The following MBD5 variants were observed in gnomAD, a reference collection of about 807,000 sequenced individuals.
MBD5 encodes the protein methyl-CpG-binding domain protein 5.
A neutral mutation model predicts 117.3 loss-of-function variants in MBD5; 13 were observed. The observed-to-expected ratio is 0.11, with a 90% CI of 0.07 to 0.18. The LOEUF is 0.18. MBD5 is among the 10% of genes least tolerant of loss of function. The probability of loss-of-function intolerance (pLI) is 1.00; values close to 1 mark genes in which losing one functional copy is unlikely to be tolerated. For synonymous variants in MBD5, 727 were observed against 766.4 expected, an observed-to-expected ratio of 0.95 and a Z score of 0.85; for missense variants, 1,879 against 2,093.8, an observed-to-expected ratio of 0.90 and a Z score of 2.00.
intron 1 of MBD5, among the ~76,000 whole-genome samples, chr2:148,074,507 G>GTTTTTTTTTTTTGTTTTTTTTTTTTTTTT (rs11443189): frequency 8.8e-6 from 1 of 113,772 alleles, no homozygotes; most frequent in Non-Finnish European, 1.7e-5. Flanking sequence ...TTTTTTTTTT[G>GTTTTTTTTTTTTGTTTTTTTTTTTTTTTT]TTTTTTTTTT....
chr2:148,265,794 G>GT (rs1046384376), intron 3 of MBD5, among the ~76,000 whole-genome samples: 2 of 152,208 alleles, frequency 1.3e-5, no homozygotes, highest in African/African-American at 4.8e-5. Flanking sequence ...TGTTCAACGA[G>GT]TATTTTTGAG....
Position 148,468,629 on chromosome 2 carries a change from C to G in MBD5, c.686C>G (p.Ser229Cys). The change falls in exon 8 of 14, where the codon TCC becomes TGC. Residue 229 changes from serine (S) to cysteine (C), a missense_variant. Physicochemically the swap from Ser to Cys is moderately radical, Grantham distance 112. This residue lies in a region of MBD5 where 1,666 missense variants were observed against 1,792.2 expected (regional missense o/e 0.93). Transcript: ENST00000642680. The part of the protein sequence containing the change: ...GGLPSPASSG[S>C]QIYGDGSISP... The stretch of plus-strand genomic sequence containing the variant: ...CTGCCCAGCCCAGCGTCATCAGGTT[C>G]CCAGATATATGGAGATGGTTCAATC... The G allele has an allele frequency of 6.2e-7, 1 of 1,613,910 alleles. No individual in the cohort carries two copies. The highest frequency in any genetic ancestry group is 8.5e-7 in the Non-Finnish European group (1 of 1,179,892).
chr2:148,367,267 T>C (rs1169147735), intron 4 of MBD5, among the ~76,000 whole-genome samples: 2 of 152,256 alleles, frequency 1.3e-5, no homozygotes, highest in East Asian at 3.9e-4. Flanking sequence ...GAAAACCAGC[T>C]AGCCATATGC....
chr2:148,180,780 C>T (rs1392414808), intron 2 of MBD5, among the ~76,000 whole-genome samples: 1 of 151,162 alleles, frequency 6.6e-6, no homozygotes, highest in Non-Finnish European at 1.5e-5. Flanking sequence ...ATTACTGGTT[C>T]ATGCAAAGCA....
chr2:148,152,266 A>G (rs923243798), intron 1 of MBD5, among the ~76,000 whole-genome samples: 28 of 152,052 alleles, frequency 1.8e-4, no homozygotes, highest in Non-Finnish European at 2.9e-4. Flanking sequence ...GAGATTCTTA[A>G]TCCTGAGTTC....
chr2:148,262,848 T>C (rs1700764982), intron 3 of MBD5, among the ~76,000 whole-genome samples: 1 of 152,210 alleles, frequency 6.6e-6, no homozygotes, highest in Non-Finnish European at 1.5e-5. Context: ...TTGTTTTGAC[T>C]GTAGTAAAAG....
intron 1 of MBD5, among the ~76,000 whole-genome samples, chr2:148,153,110 C>T (rs1046373976): frequency 6.6e-6 from 1 of 151,792 alleles, no homozygotes; most frequent in African/African-American, 2.4e-5. Context: ...GCGCTTCCTT[C>T]AGGAGCTCTT....
chr2:148,107,796 TG>T (rs1366432631), intron 1 of MBD5, among the ~76,000 whole-genome samples: 1 of 152,160 alleles, frequency 6.6e-6, no homozygotes, highest in African/African-American at 2.4e-5. Context: ...CACATATTTT[TG>T]TTTGTATGTT....
At chr2:148,319,410 TTG>T (rs1702231585) in intron 3 of MBD5, among the ~76,000 whole-genome samples, 1 of 152,204 alleles carries the variant, frequency 6.6e-6, no homozygotes, top group African/African-American at 2.4e-5. Flanking sequence ...TTCCATTTGT[TTG>T]TGTCATCAAA....
chr2:148,507,921 T>G (rs74448669), intron 12 of MBD5, among the ~76,000 whole-genome samples: 2,550 of 152,234 alleles, frequency 0.017, 72 homozygotes, highest in African/African-American at 0.057. Flanking sequence ...ATAGTCAATT[T>G]TAAACTCCTA....
chr2:148,429,289 A>G (rs1462663066), intron 4 of MBD5, among the ~76,000 whole-genome samples: 1 of 152,210 alleles, frequency 6.6e-6, no homozygotes, highest in Non-Finnish European at 1.5e-5. Context: ...GATCAAAACC[A>G]CAATGAGATA....
At position 148,259,077 on chromosome 2, in the gene MBD5, C is replaced by T. The variant is rs1156300221; in HGVS notation, c.-680+25682C>T. Among the ~76,000 whole-genome samples the T allele has an allele frequency of 2.6e-5, 4 of 152,186 alleles. 1 individual carries two copies. Among genetic ancestry groups the T allele is most frequent in the Admixed American group, 2.6e-4 (4 of 15,282 alleles). On this transcript the variant is annotated intron_variant, in intron 3 of 13. Coordinates refer to ENST00000642680, the MANE Select transcript of MBD5 (RefSeq NM_001378120.1). Reference sequence around the variant, plus strand: ...TATTCAGGTCAAACATAGCCTGCTGCATACCCATCTCCCGGATGACTTGCC... The same window carrying T: ...TATTCAGGTCAAACATAGCCTGCTGTATACCCATCTCCCGGATGACTTGCC...
chr2:148,426,848 A>G (rs775159373), intron 4 of MBD5, among the ~76,000 whole-genome samples: 15 of 152,220 alleles, frequency 9.9e-5, no homozygotes, highest in South Asian at 2.1e-4. Context: ...AGAAACCACC[A>G]TCAGAGTGAA....
At chr2:148,252,426 A>G (rs1375208577) in intron 3 of MBD5, among the ~76,000 whole-genome samples, 1 of 152,148 alleles carries the variant, frequency 6.6e-6, no homozygotes, top group Non-Finnish European at 1.5e-5. Flanking sequence ...ATGCCACTGC[A>G]CTCCAGCCTG....
At chr2:148,429,105 G>A (rs1705901768) in intron 4 of MBD5, among the ~76,000 whole-genome samples, 1 of 151,982 alleles carries the variant, frequency 6.6e-6, no homozygotes, top group Non-Finnish European at 1.5e-5. Context: ...ATCTCACAAA[G>A]GGCTAATATC....
chr2:148,442,443 C>T (rs1186717477), intron 4 of MBD5, among the ~76,000 whole-genome samples: 1 of 151,042 alleles, frequency 6.6e-6, no homozygotes, highest in Non-Finnish European at 1.5e-5. Context: ...CCCATGTGCT[C>T]ACAGAGCTTA....
chr2:148,128,855 A>G (rs1696964569), intron 1 of MBD5, among the ~76,000 whole-genome samples: 1 of 152,200 alleles, frequency 6.6e-6, no homozygotes, highest in South Asian at 2.1e-4. Context: ...ACTGGATTTC[A>G]TGTGCATAAA....
intron 4 of MBD5, among the ~76,000 whole-genome samples, chr2:148,378,532 T>G (rs1482171404): frequency 1.3e-5 from 2 of 152,040 alleles, no homozygotes; most frequent in Non-Finnish European, 2.9e-5. Flanking sequence ...TCAGAGTAGT[T>G]TTAGTTTTTA....
chr2:148,257,201 T>A (rs1700611464), intron 3 of MBD5, among the ~76,000 whole-genome samples: 1 of 152,188 alleles, frequency 6.6e-6, no homozygotes. Flanking sequence ...TCATCTGTGG[T>A]CACATGCACA....
Sources: gnomAD v4.1 joint callset for allele counts (sites outside exome capture counted in the v4.1 genomes callset) on GRCh38, gnomAD v4.1.1 for gene constraint, gnomAD v4.1.1 regional missense constraint, MANE v1.5 for transcripts, NCBI Gene and HGNC (gene_info 2026-07-23, HGNC 2026-07-21) for gene names.